MCU: variants seen among roughly 807,000 people sequenced by gnomAD.
MCU encodes calcium uniporter protein, mitochondrial.
A neutral mutation model predicts 45.2 loss-of-function variants in MCU; 12 were observed. The observed-to-expected ratio is 0.27, with a 90% CI of 0.17 to 0.43. The LOEUF is 0.43. MCU is among the 20% of genes least tolerant of loss of function. MCU has a pLI of 1.00. For synonymous variants in MCU, 160 were observed against 165.1 expected (o/e 0.97, Z 0.24); for missense variants, 324 against 436.7 (o/e 0.74, Z 2.30).
intron 6 of MCU, among the ~76,000 whole-genome samples, chr10:72,880,482 G>GC (rs1283607118): frequency 6.6e-5 from 10 of 151,750 alleles, no homozygotes; most frequent in Non-Finnish European, 5.9e-5. Flanking sequence ...GCAAAGCGGG[G>GC]GGGGGGAAAC....
intron 1 of MCU, among the ~76,000 whole-genome samples, chr10:72,734,032 G>A (rs1843217612): frequency 6.6e-6 from 1 of 152,100 alleles, no homozygotes; most frequent in Non-Finnish European, 1.5e-5. Context: ...TATGTTAATT[G>A]GAAATTACAA....
chr10:72,858,415 G>A, intron 2 of MCU, among the ~76,000 whole-genome samples: 1 of 152,270 alleles, frequency 6.6e-6, no homozygotes, highest in South Asian at 2.1e-4. Flanking sequence ...TCCACGGTCG[G>A]TGGCCTCTTG....
chr10:72,814,618 C>T (rs980682635), intron 1 of MCU, among the ~76,000 whole-genome samples: 3 of 151,960 alleles, frequency 2.0e-5, no homozygotes, highest in Admixed American at 1.3e-4. Context: ...AAAGCTCAGC[C>T]CCGGAATACA....
At chr10:72,696,157 G>A (rs1282945185) in intron 1 of MCU, among the ~76,000 whole-genome samples, 1 of 82,028 alleles carries the variant, frequency 1.2e-5, no homozygotes, top group African/African-American at 5.4e-5. Flanking sequence ...GCGAAACTCC[G>A]ACTCAAAAAA....
At chr10:72,802,450 A>T (rs1429302255) in intron 1 of MCU, among the ~76,000 whole-genome samples, 1 of 151,344 alleles carries the variant, frequency 6.6e-6, no homozygotes, top group Non-Finnish European at 1.5e-5. Context: ...AGAGCTAACC[A>T]CTCTGGCTAG....
intron 1 of MCU, among the ~76,000 whole-genome samples, chr10:72,827,556 A>T (rs1262775431): frequency 6.6e-6 from 1 of 152,024 alleles, no homozygotes; most frequent in Non-Finnish European, 1.5e-5. Context: ...ACATCATAAG[A>T]TGTTTATTTT....
At chr10:72,869,004 A>T in intron 5 of MCU, 141 bp downstream of exon 5, 1 of 873,438 alleles carries the variant, frequency 1.1e-6, no homozygotes, top group Admixed American at 2.9e-5. Context: ...TGAACCATAA[A>T]AAAGTTTAAG....
At chr10:72,790,813 A>G (rs917900628) in intron 1 of MCU, among the ~76,000 whole-genome samples, 1 of 152,214 alleles carries the variant, frequency 6.6e-6, no homozygotes, top group Admixed American at 6.5e-5. Flanking sequence ...TTCAGTCGAA[A>G]TGTAATCTCC....
At chr10:72,762,122 C>G (rs777176558) in intron 1 of MCU, among the ~76,000 whole-genome samples, 36 of 152,030 alleles carry the variant, frequency 2.4e-4, no homozygotes, top group Admixed American at 1.1e-3. Flanking sequence ...TTATAACCCT[C>G]TAAAATCAAA....
intron 1 of MCU, among the ~76,000 whole-genome samples, chr10:72,800,446 A>G (rs1368813820): frequency 6.6e-6 from 1 of 152,226 alleles, no homozygotes; most frequent in Non-Finnish European, 1.5e-5. Context: ...GAATTTTGAA[A>G]TCTGAAACAC....
At chr10:72,804,350 A>G (rs1450563980) in intron 1 of MCU, among the ~76,000 whole-genome samples, 1 of 151,976 alleles carries the variant, frequency 6.6e-6, no homozygotes, top group East Asian at 1.9e-4. Context: ...TGGCCTCTCA[A>G]AATACTAGGA....
chr10:72,754,614 G>T (rs1564547618), intron 1 of MCU, among the ~76,000 whole-genome samples: 1 of 152,102 alleles, frequency 6.6e-6, no homozygotes, highest in Non-Finnish European at 1.5e-5. Context: ...AGGCATGTTG[G>T]CACACACCTG....
At chr10:72,795,645 C>T (rs1477037701) in intron 1 of MCU, among the ~76,000 whole-genome samples, 1 of 152,076 alleles carries the variant, frequency 6.6e-6, no homozygotes, top group East Asian at 1.9e-4. Flanking sequence ...TTGGTGGCTT[C>T]TGATGAGGCA....
chr10:72,775,464 G>A (rs984739118), intron 1 of MCU, among the ~76,000 whole-genome samples: 7 of 151,828 alleles, frequency 4.6e-5, no homozygotes, highest in Non-Finnish European at 1.5e-5. Context: ...AGTAAACAAC[G>A]CACCTCAAAG....
intron 1 of MCU, among the ~76,000 whole-genome samples, chr10:72,806,825 C>A (rs1844459865): frequency 6.6e-6 from 1 of 152,076 alleles, no homozygotes; most frequent in Non-Finnish European, 1.5e-5. Context: ...CAAAAAGAAT[C>A]TATGGAAGGA....
intron 2 of MCU, among the ~76,000 whole-genome samples, chr10:72,850,127 C>G (rs61865767): frequency 0.011 from 1,602 of 152,208 alleles, 22 homozygotes; most frequent in Non-Finnish European, 0.017. Context: ...GTTGGCCAGA[C>G]TGGTCTCGAA....
At chr10:72,823,409 A>G (rs752789084) in intron 1 of MCU, among the ~76,000 whole-genome samples, 1 of 152,202 alleles carries the variant, frequency 6.6e-6, no homozygotes, top group Non-Finnish European at 1.5e-5. Flanking sequence ...TTGCTTGCTA[A>G]GAGACTGGTC....
At chr10:72,765,915 G>A (rs1374358075) in intron 1 of MCU, among the ~76,000 whole-genome samples, 2 of 151,654 alleles carry the variant, frequency 1.3e-5, no homozygotes, top group Admixed American at 6.6e-5. Context: ...TGGAAGACAT[G>A]GAGTGCAATG....
At chr10:72,779,339 C>G (rs1843952602) in intron 1 of MCU, among the ~76,000 whole-genome samples, 1 of 152,136 alleles carries the variant, frequency 6.6e-6, no homozygotes, top group Non-Finnish European at 1.5e-5. Context: ...ACTCTGAAGA[C>G]AACAGGTGTA....
Sources: allele counts gnomAD v4.1 joint callset (sites outside exome capture counted in the v4.1 genomes callset), GRCh38; gene constraint gnomAD v4.1.1; transcripts MANE v1.5; gene names NCBI Gene and HGNC (gene_info 2026-07-23, HGNC 2026-07-21).